TRHDE: variants seen among roughly 807,000 people sequenced by gnomAD.
The protein encoded by TRHDE is thyrotropin releasing hormone degrading enzyme, also known as thyrotropin-releasing hormone-degrading ectoenzyme.
TRHDE carries 72 observed loss-of-function variants against 125.7 expected under a neutral mutation model. The observed-to-expected ratio is 0.57, with a 90% confidence interval of 0.47 to 0.70. The LOEUF (loss-of-function observed/expected upper bound fraction) is 0.70, where lower values mean the gene tolerates loss of function less well. Among genes scored for constraint, TRHDE ranks in the 30% least tolerant of loss-of-function variants. The pLI, the probability that TRHDE is intolerant of heterozygous loss-of-function variation, is 0.00. For missense variants in TRHDE, 1,110 were observed against 1,327.1 expected (o/e 0.84, Z 2.54); for synonymous variants, 509 against 509.1 (o/e 1.00, Z 0.00).
In TRHDE at chr12:72,517,787, T is replaced by C. The variant is rs1338312659; in HGVS notation, c.1722+18152T>C. ...GCTTTCTCTTGTGGGCATTTAGTGCTATAAATTTCCCTCTACACACTGCTT... is the reference window on the plus strand; with the variant it reads ...GCTTTCTCTTGTGGGCATTTAGTGCCATAAATTTCCCTCTACACACTGCTT... On this transcript the variant is annotated intron_variant, in intron 6 of 18. Transcript: ENST00000261180. Among the ~76,000 whole-genome samples, 3 of 151,686 alleles carry C rather than the reference T, an allele frequency of 2.0e-5. No homozygotes were observed. In the East Asian group the frequency reaches 5.8e-4, roughly 30 times the overall value.
intron 9 of TRHDE, among the ~76,000 whole-genome samples, chr12:72,564,652 A>ATTTT (rs1336210594): frequency 3.2e-5 from 2 of 62,788 alleles, no homozygotes; most frequent in Non-Finnish European, 4.3e-5. Flanking sequence ...CATGCGTATG[A>ATTTT]ATTTTTTTTT....
chr12:72,625,643 T>C (rs1873228323), intron 15 of TRHDE, among the ~76,000 whole-genome samples: 1 of 152,006 alleles, frequency 6.6e-6, no homozygotes, highest in East Asian at 1.9e-4. Context: ...ACATTATGGG[T>C]GCTGGCTAAG....
At chr12:72,121,144 A>G (rs1365010308) in intron 2 of TRHDE, among the ~76,000 whole-genome samples, 2 of 152,026 alleles carry the variant, frequency 1.3e-5, no homozygotes, top group Non-Finnish European at 2.9e-5. Flanking sequence ...CTTTCTGTAT[A>G]TTTACTATTA....
intron 14 of TRHDE, chr12:72,621,423 C>T: frequency 1.7e-6 from 1 of 579,732 alleles, no homozygotes; most frequent in Non-Finnish European, 3.0e-6. Context: ...TAAGATCTAC[C>T]TTTATTGGTG....
chr12:72,175,911 G>A (rs1052921353), intron 2 of TRHDE, among the ~76,000 whole-genome samples: 2 of 152,302 alleles, frequency 1.3e-5, no homozygotes, highest in Middle Eastern at 3.4e-3. Flanking sequence ...GGAAGCAGAC[G>A]CTGAGATGGA....
At chr12:72,492,766 C>G (rs995889884) in intron 5 of TRHDE, among the ~76,000 whole-genome samples, 2 of 151,716 alleles carry the variant, frequency 1.3e-5, no homozygotes, top group East Asian at 1.9e-4. Flanking sequence ...TCTTAAAAGT[C>G]TTTATCATGT....
chr12:72,096,379 T>C (rs561572351), intron 1 of TRHDE, among the ~76,000 whole-genome samples: 6 of 152,224 alleles, frequency 3.9e-5, no homozygotes, highest in Non-Finnish European at 7.3e-5. Context: ...AGAAAATCTT[T>C]AACAATTATG....
At chr12:72,201,116 T>C (rs1877550405) in intron 2 of TRHDE, among the ~76,000 whole-genome samples, 1 of 152,130 alleles carries the variant, frequency 6.6e-6, no homozygotes. Flanking sequence ...CTAGGAGATC[T>C]CTCCTGGAGT....
At chr12:72,586,142 T>A (rs1871429454) in intron 12 of TRHDE, among the ~76,000 whole-genome samples, 1 of 134,826 alleles carries the variant, frequency 7.4e-6, no homozygotes, top group Admixed American at 6.9e-5. Flanking sequence ...AGCAATGCTA[T>A]CATGATAAGA....
At chr12:72,210,331 A>T (rs1446094337) in intron 2 of TRHDE, among the ~76,000 whole-genome samples, 1 of 152,152 alleles carries the variant, frequency 6.6e-6, no homozygotes, top group Non-Finnish European at 1.5e-5. Context: ...TATTCTGATG[A>T]TGATCGCCAT....
intron 2 of TRHDE, among the ~76,000 whole-genome samples, chr12:72,291,155 G>A (rs185426565): frequency 9.3e-4 from 141 of 152,328 alleles, no homozygotes; most frequent in Non-Finnish European, 1.5e-3. Context: ...GCATAGAAGA[G>A]ATCACTTGGT....
At chr12:72,401,879 T>A (rs571109306) in intron 3 of TRHDE, among the ~76,000 whole-genome samples, 8 of 152,324 alleles carry the variant, frequency 5.3e-5, no homozygotes, top group African/African-American at 1.9e-4. Context: ...TTTCTCTGTT[T>A]CAGTATTTTG....
intron 5 of TRHDE, among the ~76,000 whole-genome samples, chr12:72,477,066 CCTTT>C (rs1876932422): frequency 6.6e-6 from 1 of 152,072 alleles, no homozygotes; most frequent in Admixed American, 6.6e-5. Flanking sequence ...AGGCATTTCC[CCTTT>C]CTAACTCATC....
intron 3 of TRHDE, among the ~76,000 whole-genome samples, chr12:72,430,618 CT>C (rs1485892388): frequency 1.3e-5 from 2 of 151,736 alleles, no homozygotes; most frequent in Non-Finnish European, 1.5e-5. Flanking sequence ...TTCTGTCCCC[CT>C]GATCTATATG....
At chr12:72,635,260 G>A (rs966147320) in intron 15 of TRHDE, among the ~76,000 whole-genome samples, 3 of 152,162 alleles carry the variant, frequency 2.0e-5, no homozygotes, top group African/African-American at 7.2e-5. Flanking sequence ...CAGTGATGGT[G>A]AGCATTTTTT....
chr12:72,419,034 TAA>T (rs1311997064), intron 3 of TRHDE, among the ~76,000 whole-genome samples: 6 of 152,058 alleles, frequency 3.9e-5, no homozygotes, highest in Admixed American at 2.6e-4. Flanking sequence ...GAAATCTAGG[TAA>T]AGAGATATTA....
At chr12:72,271,477 A>G (rs1232488458), upstream of TRHDE, among the ~76,000 whole-genome samples, 1 of 152,052 alleles carries the variant, frequency 6.6e-6, no homozygotes, top group African/African-American at 2.4e-5. Context: ...GTTGCGCTGA[A>G]GATTTACAAT....
At chr12:72,376,076 G>T (rs1592400281) in intron 2 of TRHDE, among the ~76,000 whole-genome samples, 2 of 152,088 alleles carry the variant, frequency 1.3e-5, no homozygotes, top group African/African-American at 4.8e-5. Flanking sequence ...AGTGCCTGGG[G>T]TTTTATGTCT....
At chr12:72,412,584 T>C (rs936418726) in intron 3 of TRHDE, among the ~76,000 whole-genome samples, 2 of 152,100 alleles carry the variant, frequency 1.3e-5, no homozygotes, top group Non-Finnish European at 2.9e-5. Context: ...CTCTTGGGCA[T>C]GTACCTCTTC....
Sources: allele counts gnomAD v4.1 joint callset (sites outside exome capture counted in the v4.1 genomes callset), GRCh38; gene constraint gnomAD v4.1.1; transcripts MANE v1.5; gene names NCBI Gene and HGNC (gene_info 2026-07-23, HGNC 2026-07-21).